The following CCDC138 variants were observed in gnomAD, a reference collection of about 807,000 sequenced individuals.
CCDC138 encodes coiled-coil domain containing 138, also known as coiled-coil domain-containing protein 138.
CCDC138 carries 66 observed loss-of-function variants against 82.3 expected under a neutral mutation model. The observed-to-expected ratio is 0.80, with a 90% CI of 0.66 to 0.98. CCDC138 has a LOEUF of 0.98. Among genes scored for constraint, CCDC138 ranks in the 50% least tolerant of loss-of-function variants. The pLI, the probability that CCDC138 is intolerant of heterozygous loss-of-function variation, is 0.00. For synonymous variants in CCDC138, 297 were observed against 265.4 expected (o/e 1.12, Z -1.16); for missense variants, 816 against 758.9 (o/e 1.08, Z -0.88).
At chr2:108,793,548 C>T (rs1680301342) in intron 4 of CCDC138, among the ~76,000 whole-genome samples, 1 of 152,134 alleles carries the variant, frequency 6.6e-6, no homozygotes, top group South Asian at 2.1e-4. Context: ...ACCCTATGAT[C>T]TAGCAATTTT....
chr2:108,863,148 T>C (rs1194986701), intron 13 of CCDC138, among the ~76,000 whole-genome samples: 4 of 152,212 alleles, frequency 2.6e-5, no homozygotes, highest in Admixed American at 2.0e-4. Flanking sequence ...TTGAACAACA[T>C]AATTTCTTCC....
downstream of CCDC138, among the ~76,000 whole-genome samples, chr2:108,877,332 G>C (rs1387349241): frequency 6.6e-6 from 1 of 152,016 alleles, no homozygotes; most frequent in Admixed American, 6.6e-5. Context: ...GCCAGGCGGT[G>C]ATGGGCACCT....
intron 4 of CCDC138, among the ~76,000 whole-genome samples, chr2:108,793,945 G>A (rs1261541017): frequency 6.6e-6 from 1 of 152,080 alleles, no homozygotes; most frequent in Non-Finnish European, 1.5e-5. Context: ...AGCCACGTAC[G>A]AGACTGTAGC....
At chr2:108,789,286 AT>A (rs1003226013) in intron 3 of CCDC138, among the ~76,000 whole-genome samples, 4 of 151,730 alleles carry the variant, frequency 2.6e-5, no homozygotes, top group East Asian at 1.9e-4. Flanking sequence ...TTCTTTAAAA[AT>A]TTTTTTTTAG....
intron 13 of CCDC138, among the ~76,000 whole-genome samples, chr2:108,871,370 TAA>T (rs59725353): frequency 0.13 from 9,883 of 77,170 alleles, 729 homozygotes; most frequent in South Asian, 0.26. Flanking sequence ...CCAACTCTAT[TAA>T]AAAAAAAAAA....
intron 10 of CCDC138, among the ~76,000 whole-genome samples, chr2:108,827,801 G>GA (rs1421919009): frequency 1.5e-5 from 2 of 135,526 alleles, no homozygotes; most frequent in Non-Finnish European, 3.1e-5. Flanking sequence ...GGGCGACAGA[G>GA]AGAGAATATG....
intron 6 of CCDC138, among the ~76,000 whole-genome samples, chr2:108,803,146 A>G (rs1420283199): frequency 1.3e-5 from 2 of 152,216 alleles, no homozygotes. Context: ...GAGGCATTAA[A>G]GTGTTAGCCA....
intron 11 of CCDC138, among the ~76,000 whole-genome samples, chr2:108,841,958 T>A (rs1001009472): frequency 2.0e-5 from 3 of 152,180 alleles, no homozygotes; most frequent in Non-Finnish European, 4.4e-5. Context: ...TAATTTAGGA[T>A]CTTTAAGATG....
intron 11 of CCDC138, among the ~76,000 whole-genome samples, chr2:108,842,959 A>C (rs1689767720): frequency 6.7e-6 from 1 of 149,840 alleles, no homozygotes; most frequent in South Asian, 2.1e-4. Context: ...GCTTAGAACC[A>C]CATTAGAGAA....
chr2:108,804,868 G>A (rs1241366284), intron 6 of CCDC138, 21 bp from the exon 7 acceptor site: 4 of 1,359,608 alleles, frequency 2.9e-6, no homozygotes, highest in Non-Finnish European at 3.9e-6. Context: ...TTAGATGAGA[G>A]TTTTTTTTTT....
chr2:108,863,306 C>G (rs933382275), intron 13 of CCDC138, among the ~76,000 whole-genome samples: 1 of 152,178 alleles, frequency 6.6e-6, no homozygotes, highest in Non-Finnish European at 1.5e-5. Context: ...TCTGTTTTCT[C>G]AGTTACAAGC....
At chr2:108,869,460 A>T (rs1226204902) in intron 13 of CCDC138, among the ~76,000 whole-genome samples, 2 of 152,174 alleles carry the variant, frequency 1.3e-5, no homozygotes, top group Non-Finnish European at 1.5e-5. Flanking sequence ...TGCCTCGTTC[A>T]GGGCACATAC....
At chr2:108,791,875 A>G (rs2149433213) in intron 4 of CCDC138, 73 bp downstream of exon 4, 1 of 1,411,344 alleles carries the variant, frequency 7.1e-7, no homozygotes, top group Non-Finnish European at 9.5e-7. Context: ...CTTCCCTCCT[A>G]GTAATAACAC....
At chr2:108,840,998 T>A (rs1000059657) in intron 11 of CCDC138, among the ~76,000 whole-genome samples, 1 of 151,390 alleles carries the variant, frequency 6.6e-6, no homozygotes, top group African/African-American at 2.4e-5. Context: ...TTTTTGTGTG[T>A]GTGTTTTTTG....
chr2:108,857,889 T>C (rs1368066546), intron 13 of CCDC138, among the ~76,000 whole-genome samples: 1 of 152,250 alleles, frequency 6.6e-6, no homozygotes, highest in Non-Finnish European at 1.5e-5. Flanking sequence ...ATGACAGAGA[T>C]GGCATCTTTC....
Position 108,843,303 on chromosome 2 carries a change from G to A in CCDC138, c.1324-3435G>A, listed in dbSNP as rs547469520. ...CTCCCAAGTAGCTGGGATTACAGGCGCCCACCACCATGCCTGTCTACTTTT... is the reference window on the plus strand; with the variant it reads ...CTCCCAAGTAGCTGGGATTACAGGCACCCACCACCATGCCTGTCTACTTTT... On this transcript the variant is annotated intron_variant, in intron 11 of 14. Transcript: ENST00000295124. 1.4e-4 allele frequency among the ~76,000 whole-genome samples: 22 copies of A among 152,032 alleles called. No homozygotes were observed. The East Asian group carries it at 3.9e-3, about 27-fold the overall frequency.
Position 108,849,051 on chromosome 2 carries a change from C to T in CCDC138, c.1516+2121C>T, listed in dbSNP as rs1421000789. ...AGATACGGGATAAAAAGACTTCAAT[C>T]AGATTTCTGCAAATGAAAAACCCAG... On this transcript the variant is annotated intron_variant, in intron 12 of 14. Coordinates refer to ENST00000295124, the MANE Select transcript of CCDC138 (RefSeq NM_144978.3). Among the ~76,000 whole-genome samples, 3 of 152,180 alleles carry T rather than the reference C, an allele frequency of 2.0e-5. No individual in the cohort carries two copies. In the East Asian group the frequency reaches 5.8e-4, roughly 29 times the overall value.
downstream of CCDC138, among the ~76,000 whole-genome samples, chr2:108,879,352 A>C (rs1223280729): frequency 1.3e-5 from 2 of 152,226 alleles, no homozygotes; most frequent in Admixed American, 6.5e-5. Context: ...GATTGTTTTA[A>C]AATTTCAACA....
At chr2:108,832,425 G>A (rs141399441) in intron 10 of CCDC138, among the ~76,000 whole-genome samples, 1,891 of 141,608 alleles carry the variant, frequency 0.013, 60 homozygotes, top group South Asian at 0.086. Flanking sequence ...TCGGCTCACC[G>A]CAACCTCTGC....
Sources: gnomAD v4.1 joint callset for allele counts (sites outside exome capture counted in the v4.1 genomes callset) on GRCh38, gnomAD v4.1.1 for gene constraint, MANE v1.5 for transcripts, NCBI Gene and HGNC (gene_info 2026-07-23, HGNC 2026-07-21) for gene names.